Variants in GRIA3 observed in about 807,000 individuals in gnomAD.
The protein encoded by GRIA3 is glutamate receptor 3.
Under a neutral mutation model 63.0 loss-of-function variants are expected in GRIA3, and 3 were observed. The observed-to-expected ratio is 0.05, with a 90% CI of 0.02 to 0.12. GRIA3 has a LOEUF of 0.12. Among genes scored for constraint, GRIA3 ranks in the 10% least tolerant of loss-of-function variants. The probability of loss-of-function intolerance (pLI) is 1.00; values close to 1 mark genes in which losing one functional copy is unlikely to be tolerated. For synonymous variants in GRIA3, 274 were observed against 257.9 expected (o/e 1.06, Z -0.60); for missense variants, 347 against 700.9 (o/e 0.50, Z 5.70).
intron 2 of GRIA3, among the ~76,000 whole-genome samples, chrX:123,225,305 T>C (rs2044240661): frequency 8.9e-6 from 1 of 112,417 alleles, no homozygotes; most frequent in Admixed American, 9.4e-5. Flanking sequence ...CTATGACTAT[T>C]TTTCTGTGCC....
At chrX:123,419,117 G>A (rs1356345568) in intron 11 of GRIA3, among the ~76,000 whole-genome samples, 1 of 112,194 alleles carries the variant, frequency 8.9e-6, no homozygotes, top group Non-Finnish European at 1.9e-5. Flanking sequence ...CCTTAAAAAT[G>A]TTATGCTGGG....
chrX:123,321,078 GT>G, intron 3 of GRIA3, among the ~76,000 whole-genome samples: 1 of 112,084 alleles, frequency 8.9e-6, no homozygotes, highest in East Asian at 2.8e-4. Context: ...GTGGTTCTGT[GT>G]CTAATAATTG....
chrX:123,201,206 T>C (rs1367247459), intron 2 of GRIA3, among the ~76,000 whole-genome samples: 2 of 112,334 alleles, frequency 1.8e-5, no homozygotes, highest in African/African-American at 6.5e-5. Context: ...TAGCCCTATG[T>C]CCTTGCATGA....
chrX:123,352,242 G>A (rs2045100899), intron 4 of GRIA3, among the ~76,000 whole-genome samples: 1 of 111,319 alleles, frequency 9.0e-6, no homozygotes, highest in African/African-American at 3.3e-5. Context: ...CACCACGTCT[G>A]GCTAATTTTG....
At chrX:123,355,836 ATATC>A (rs1176382861) in intron 5 of GRIA3, among the ~76,000 whole-genome samples, 1 of 112,115 alleles carries the variant, frequency 8.9e-6, no homozygotes, top group African/African-American at 3.2e-5. Flanking sequence ...AATCAAAGAA[ATATC>A]TAATATCTTA....
At chrX:123,213,655 G>C (rs1015805627) in intron 2 of GRIA3, among the ~76,000 whole-genome samples, 2 of 112,065 alleles carry the variant, frequency 1.8e-5, no homozygotes, top group African/African-American at 6.5e-5. Context: ...GCTAATCCCA[G>C]TGTCGGTGCC....
chrX:123,184,375 G>T lies in GRIA3; in HGVS notation c.-161G>T. The T allele has an allele frequency of 2.0e-6, 1 of 488,029 alleles. No homozygotes were observed. Among genetic ancestry groups the T allele is most frequent in the South Asian group, 2.9e-5 (1 of 34,775 alleles). 40.2% of individuals were successfully genotyped at this position (488,029 alleles called of 1,213,427 possible). ...GGAAGAAGAGGAGGCGGCGGCAGCG[G>T]AGGAGGAGGAGGACTAGTGTGGGGT... On this transcript the variant is annotated 5_prime_UTR_variant, in exon 1 of 16. Coordinates refer to ENST00000620443, the MANE Select transcript of GRIA3 (RefSeq NM_007325.5).
intron 2 of GRIA3, among the ~76,000 whole-genome samples, chrX:123,221,715 T>C (rs2044219990): frequency 9.0e-6 from 1 of 110,911 alleles, no homozygotes; most frequent in Non-Finnish European, 1.9e-5. Flanking sequence ...ACAAAGAAAA[T>C]GGGGCCCAGA....
chrX:123,451,228 T>A (rs773098361), intron 12 of GRIA3, among the ~76,000 whole-genome samples: 2 of 110,626 alleles, frequency 1.8e-5, no homozygotes, highest in Non-Finnish European at 3.8e-5. Context: ...AGGCCGGGCA[T>A]GGTGGCTTAT....
intron 13 of GRIA3, among the ~76,000 whole-genome samples, chrX:123,466,736 T>C (rs888403819): frequency 8.9e-6 from 1 of 112,454 alleles, no homozygotes; most frequent in African/African-American, 3.2e-5. Flanking sequence ...AGAATTATAT[T>C]GAAGCATGTA....
At chrX:123,259,800 A>C (rs1343690438) in intron 3 of GRIA3, among the ~76,000 whole-genome samples, 1 of 111,577 alleles carries the variant, frequency 9.0e-6, no homozygotes, top group Middle Eastern at 4.6e-3. Flanking sequence ...TCCACAGTCT[A>C]TGTACTGTTC....
chrX:123,197,807 G>A (rs1483376878), intron 2 of GRIA3, among the ~76,000 whole-genome samples: 1 of 112,159 alleles, frequency 8.9e-6, no homozygotes. Flanking sequence ...TGAGACCTTG[G>A]GCAAGTTACT....
intron 2 of GRIA3, among the ~76,000 whole-genome samples, chrX:123,248,711 G>A (rs1303893627): frequency 8.9e-6 from 1 of 111,807 alleles, no homozygotes; most frequent in African/African-American, 3.3e-5. Context: ...GCTTGAACCT[G>A]GGAGGCGGAG....
At chrX:123,188,555 A>G (rs1927339576) in intron 2 of GRIA3, among the ~76,000 whole-genome samples, 1 of 110,508 alleles carries the variant, frequency 9.0e-6, no homozygotes, top group African/African-American at 3.3e-5. Context: ...GCAAAGAGAA[A>G]CCTCTGTATC....
chrX:123,226,074 T>C (rs767920730), intron 2 of GRIA3, among the ~76,000 whole-genome samples: 1 of 111,529 alleles, frequency 9.0e-6, no homozygotes, highest in Non-Finnish European at 1.9e-5. Context: ...ACTTATAGTC[T>C]TTTTCCTTTA....
intron 3 of GRIA3, among the ~76,000 whole-genome samples, chrX:123,300,604 A>T (rs2044716294): frequency 9.5e-6 from 1 of 105,137 alleles, no homozygotes; most frequent in South Asian, 4.4e-4. Flanking sequence ...TCCGGGATTC[A>T]TTGATTTTTT....
chrX:123,382,035 G>A (rs763367912), intron 5 of GRIA3, among the ~76,000 whole-genome samples: 1 of 112,347 alleles, frequency 8.9e-6, no homozygotes, highest in East Asian at 2.8e-4. Flanking sequence ...CTGGGAACCA[G>A]AGTGACAAAC....
intron 5 of GRIA3, among the ~76,000 whole-genome samples, chrX:123,374,459 T>C (rs2045270822): frequency 8.9e-6 from 1 of 112,076 alleles, no homozygotes; most frequent in African/African-American, 3.2e-5. Flanking sequence ...TATGGCCATT[T>C]TCACGATATT....
chrX:123,334,883 A>T (rs774858327), intron 4 of GRIA3, among the ~76,000 whole-genome samples: 1 of 110,398 alleles, frequency 9.1e-6, no homozygotes, highest in Non-Finnish European at 1.9e-5. Context: ...TATGGTTCCC[A>T]CAGCTGTGAA....
Sources: gnomAD v4.1 joint callset for allele counts (sites outside exome capture counted in the v4.1 genomes callset) on GRCh38, gnomAD v4.1.1 for gene constraint, MANE v1.5 for transcripts, NCBI Gene and HGNC (gene_info 2026-07-23, HGNC 2026-07-21) for gene names.